EPHB2: variants seen among roughly 807,000 people sequenced by gnomAD.
The protein encoded by EPHB2 is ephrin type-B receptor 2.
EPHB2 carries 18 observed loss-of-function variants against 96.4 expected under a neutral mutation model. The ratio of observed to expected loss-of-function variants is 0.19; its 90% confidence interval spans 0.13 to 0.28. EPHB2 has a LOEUF of 0.28. EPHB2 is among the 10% of genes least tolerant of loss of function. The pLI is 1.00. For missense variants in EPHB2, 989 were observed against 1,355.4 expected, an observed-to-expected ratio of 0.73 and a Z score of 4.25; for synonymous variants, 506 against 534.1, an observed-to-expected ratio of 0.95 and a Z score of 0.72.
In EPHB2 at chr1:22,816,100, C is replaced by T. The variant is rs78144230; in HGVS notation, c.811+31024C>T. 2.6e-5 allele frequency among the ~76,000 whole-genome samples: 4 copies of T among 152,306 alleles called. No homozygotes were observed. The East Asian group carries it at 7.7e-4, about 29-fold the overall frequency. On this transcript the variant is annotated intron_variant, in intron 3 of 15. Transcript: ENST00000374630. ...TAGACCACCTGTGCTGCAAGCCTAA[C>T]TGTCCACCACCCATCTCATCTCAGG...
At position 22,846,581 on chromosome 1, in the gene EPHB2, G is replaced by A. The variant is rs180783995; in HGVS notation, c.812-16456G>A. Among the ~76,000 whole-genome samples, 8 of 152,268 alleles carry A rather than the reference G, an allele frequency of 5.3e-5. No individual in the cohort carries two copies. The East Asian group carries it at 5.8e-4, about 11-fold the overall frequency. ...GGCACGCACCTGTTGCTGGGTAGGC[G>A]GCTTGTTGCCTCTCCAGCCTCGTGT... On this transcript the variant is annotated intron_variant, in intron 3 of 15. Transcript: ENST00000374630. This position sits in a 1 kb window ranked among gnomAD's most constrained non-coding sequence, Gnocchi z 4.3.
intron 1 of EPHB2, among the ~76,000 whole-genome samples, chr1:22,764,274 C>T (rs138176156): frequency 6.6e-6 from 1 of 152,256 alleles, no homozygotes; most frequent in Non-Finnish European, 1.5e-5. Flanking sequence ...GTGATAATGA[C>T]CACGGTCAAT....
chr1:22,765,647 A>G (rs1644298443), intron 1 of EPHB2, among the ~76,000 whole-genome samples: 1 of 149,490 alleles, frequency 6.7e-6, no homozygotes, highest in African/African-American at 2.5e-5. Flanking sequence ...CCACCTCTCC[A>G]CGAGCTTTCC....
At position 22,771,617 on chromosome 1, in the gene EPHB2, T is replaced by C. The variant is rs148370105; in HGVS notation, c.62-9804T>C. Among the ~76,000 whole-genome samples, 46 of 152,314 alleles carry C rather than the reference T, an allele frequency of 3.0e-4. 1 individual carries two copies. The highest frequency in any genetic ancestry group is 9.1e-4 in the African/African-American group (38 of 41,562). The stretch of plus-strand genomic sequence containing the variant: ...CTCTCTGAGCTTTCCTCCCCTCTTC[T>C]GTAAAATGGCCCTGACAATTGGTCC... On this transcript the variant is annotated intron_variant, in intron 1 of 15. Transcript: ENST00000374630.
At position 22,865,009 on chromosome 1, in the gene EPHB2, C is replaced by T. The variant is rs199648689; in HGVS notation, c.1100C>T (p.Ser367Leu). 8.8e-5 allele frequency: 141 copies of T among 1,611,086 alleles called. No homozygotes were observed. The highest frequency in any genetic ancestry group is 1.1e-4 in the Non-Finnish European group (128 of 1,177,804). Reference sequence around the variant, plus strand: ...AACATCATCTGCAAGAGCTGTGGCTCGGGCCGGGGTGCCTGCACCCGCTGC... The same window carrying T: ...AACATCATCTGCAAGAGCTGTGGCTTGGGCCGGGGTGCCTGCACCCGCTGC... ...VYNIICKSCG[S>L]GRGACTRCGD... The change falls in exon 5 of 16, where the codon TCG becomes TTG. Residue 367 changes from serine (S) to leucine (L), a missense_variant. Transcript: ENST00000374630.
intron 3 of EPHB2, among the ~76,000 whole-genome samples, chr1:22,836,235 G>A (rs528062526): frequency 1.6e-3 from 243 of 152,280 alleles, no homozygotes; most frequent in African/African-American, 5.5e-3. Flanking sequence ...GAGAGAGCTC[G>A]GCTTGCACCA....
intron 5 of EPHB2, among the ~76,000 whole-genome samples, chr1:22,865,958 G>A (rs1289751643): frequency 2.0e-5 from 3 of 151,886 alleles, no homozygotes; most frequent in Non-Finnish European, 4.4e-5. Flanking sequence ...GGCAAAAAAG[G>A]AAGTTGCCGG....
chr1:22,827,252 T>C (rs1645237881), intron 3 of EPHB2, among the ~76,000 whole-genome samples: 1 of 152,240 alleles, frequency 6.6e-6, no homozygotes, highest in South Asian at 2.1e-4. Context: ...TCGGAGCCCC[T>C]GGAACATGTG....
At chr1:22,901,850 A>C (rs1425219737) in intron 9 of EPHB2, among the ~76,000 whole-genome samples, 3 of 80,736 alleles carry the variant, frequency 3.7e-5, no homozygotes, top group African/African-American at 1.4e-4. Context: ...TGTGTGTAAC[A>C]GGGTCTCACT....
rs149386585 is a variant in EPHB2 at position 22,740,924 on chromosome 1, G to A, written c.61+29881G>A. Among the ~76,000 whole-genome samples, 1,368 of 152,240 alleles carry A rather than the reference G, an allele frequency of 9.0e-3. 17 individuals are homozygous for A. The highest frequency in any genetic ancestry group is 0.03 in the African/African-American group (1,258 of 41,542). On this transcript the variant is annotated intron_variant, in intron 1 of 15. Transcript: ENST00000374630. Reference sequence around the variant, plus strand: ...TCCTCCCCTGGCTGGGGGGCGGTCCGTGTGAAGTTCTTGGTGTCCAGTGGT... The same window carrying A: ...TCCTCCCCTGGCTGGGGGGCGGTCCATGTGAAGTTCTTGGTGTCCAGTGGT...
In EPHB2 at chr1:22,781,411, C is replaced by A; in HGVS notation, c.62-10C>A. ...TGGGGCGGGGTGGTGACTCTTTGCTCTCCCCACAGAAACGCTAATGGACTC... is the reference window on the plus strand; with the variant it reads ...TGGGGCGGGGTGGTGACTCTTTGCTATCCCCACAGAAACGCTAATGGACTC... On this transcript the variant is annotated splice_polypyrimidine_tract_variant and intron_variant, in intron 1 of 15. Coordinates refer to ENST00000374630, the MANE Select transcript of EPHB2 (RefSeq NM_017449.5). The A allele has an allele frequency of 6.2e-7, 1 of 1,613,756 alleles. No individual in the cohort carries two copies. The highest frequency in any genetic ancestry group is 8.5e-7 in the Non-Finnish European group (1 of 1,179,890).
At chr1:22,830,213 G>A (rs952290873) in intron 3 of EPHB2, among the ~76,000 whole-genome samples, 3 of 152,200 alleles carry the variant, frequency 2.0e-5, no homozygotes, top group African/African-American at 7.2e-5. Context: ...ACTGAGGGGT[G>A]CTGGCTGCCC....
intron 1 of EPHB2, among the ~76,000 whole-genome samples, chr1:22,761,211 C>T (rs543643389): frequency 3.3e-4 from 51 of 152,300 alleles, no homozygotes; most frequent in African/African-American, 1.1e-3. Context: ...GATGCACAGC[C>T]AGCTGCTACC....
At chr1:22,811,165 C>T (rs971123732) in intron 3 of EPHB2, among the ~76,000 whole-genome samples, 5 of 152,116 alleles carry the variant, frequency 3.3e-5, no homozygotes, top group African/African-American at 9.7e-5. Flanking sequence ...TGAGAATCTC[C>T]GAGGCCCCCA....
At chr1:22,866,470 C>A (rs1489358510) in intron 5 of EPHB2, among the ~76,000 whole-genome samples, 1 of 152,032 alleles carries the variant, frequency 6.6e-6, no homozygotes, top group Non-Finnish European at 1.5e-5. Flanking sequence ...TTGTATGTTG[C>A]CCAGGCTCAT....
At chr1:22,837,382 G>A (rs764936014) in intron 3 of EPHB2, among the ~76,000 whole-genome samples, 67 of 152,262 alleles carry the variant, frequency 4.4e-4, no homozygotes, top group Middle Eastern at 6.8e-3. Context: ...TGCTGTGCGG[G>A]GTGGGGAGGA....
At chr1:22,758,337 T>C (rs909779695) in intron 1 of EPHB2, among the ~76,000 whole-genome samples, 1 of 151,950 alleles carries the variant, frequency 6.6e-6, no homozygotes, top group Non-Finnish European at 1.5e-5. Flanking sequence ...GGAAGGGTCA[T>C]GTAGAGGGAC....
At chr1:22,766,159 G>A (rs985208954) in intron 1 of EPHB2, among the ~76,000 whole-genome samples, 2 of 152,146 alleles carry the variant, frequency 1.3e-5, no homozygotes, top group African/African-American at 2.4e-5. Context: ...GGAGGCAGCC[G>A]GGAGGAAGCC....
At chr1:22,806,164 A>C (rs540725371) in intron 3 of EPHB2, among the ~76,000 whole-genome samples, 21 of 152,214 alleles carry the variant, frequency 1.4e-4, no homozygotes, top group Non-Finnish European at 2.6e-4. Flanking sequence ...TGAAAGAATG[A>C]ATAATAGCCA....
Sources: gnomAD v4.1 joint callset for allele counts (sites outside exome capture counted in the v4.1 genomes callset) on GRCh38, gnomAD v4.1.1 for gene constraint, Gnocchi (gnomAD v3.1) non-coding constraint, MANE v1.5 for transcripts, NCBI Gene and HGNC (gene_info 2026-07-23, HGNC 2026-07-21) for gene names.